The following PFDN1 variants were observed in gnomAD, a reference collection of about 807,000 sequenced individuals.
PFDN1 encodes the protein prefoldin subunit 1.
In PFDN1, 6 loss-of-function variants were observed where a neutral mutation model predicts 17.3. That is an observed-to-expected ratio of 0.35 (90% CI 0.19 to 0.69). The LOEUF (loss-of-function observed/expected upper bound fraction) is 0.69, where lower values mean the gene tolerates loss of function less well. Among genes scored for constraint, PFDN1 ranks in the 30% least tolerant of loss-of-function variants. PFDN1 has a pLI of 0.65. For missense variants in PFDN1, 113 were observed against 146.2 expected, an observed-to-expected ratio of 0.77 and a Z score of 1.17; for synonymous variants, 58 against 50.1, an observed-to-expected ratio of 1.16 and a Z score of -0.67.
rs960405253 is a variant in PFDN1, at chr5:140,272,506, C to T, written c.285+8943G>A. Among the ~76,000 whole-genome samples the T allele has an allele frequency of 5.9e-5, 9 of 151,412 alleles. No homozygotes were observed. The South Asian group carries it at 1.0e-3, about 18-fold the overall frequency. Reference sequence around the variant, plus strand: ...TCCCAAGTAGCTAGGATTACAGGCGCCCACCACCACGCCCGGCTAATTTTT... The same window carrying T: ...TCCCAAGTAGCTAGGATTACAGGCGTCCACCACCACGCCCGGCTAATTTTT... On this transcript the variant is annotated intron_variant, in intron 3 of 3. Transcript: ENST00000261813.
intron 3 of PFDN1, among the ~76,000 whole-genome samples, chr5:140,278,557 C>CAAAAAA (rs113129230): frequency 8.2e-4 from 65 of 79,010 alleles, no homozygotes; most frequent in East Asian, 1.4e-3. Flanking sequence ...GACTCTGTCT[C>CAAAAAA]AAAAAAAAAA....
chr5:140,279,995 C>CAAAAAAAAAAAAAAAAAAAAAAAAAA (rs772575762), intron 3 of PFDN1, among the ~76,000 whole-genome samples: 16 of 31,258 alleles, frequency 5.1e-4, no homozygotes, highest in South Asian at 1.7e-3. Flanking sequence ...AACTCCGTCT[C>CAAAAAAAAAAAAAAAAAAAAAAAAAA]AAAAAAAAAA....
At chr5:140,301,154 C>T (rs1765738545) in intron 1 of PFDN1, among the ~76,000 whole-genome samples, 1 of 152,158 alleles carries the variant, frequency 6.6e-6, no homozygotes, top group South Asian at 2.1e-4. Context: ...TGAACAACTA[C>T]TGGGGGGAAG....
rs1764962731 is a variant in PFDN1, at chr5:140,254,774, A to C, written c.286-8717T>G. On this transcript the variant is annotated intron_variant, in intron 3 of 3. Transcript: ENST00000261813. This position sits in a 1 kb window ranked among gnomAD's most constrained non-coding sequence, Gnocchi z 4.4. ...GATACTCTCGCTCCAGCATTTCTTC[A>C]ACCTCGTCACGCAACAACTTGTTCA... Among the ~76,000 whole-genome samples the C allele has an allele frequency of 6.6e-6, 1 of 152,164 alleles. No homozygotes were observed. The highest frequency in any genetic ancestry group is 6.5e-5 in the Admixed American group (1 of 15,276).
intron 3 of PFDN1, chr5:140,273,998 T>G (rs1402282019): frequency 9.9e-6 from 4 of 402,348 alleles, no homozygotes; most frequent in African/African-American, 8.7e-5. Context: ...TCATTGAAAG[T>G]TTACATTTAC....
intron 2 of PFDN1, among the ~76,000 whole-genome samples, chr5:140,286,620 GC>G (rs1177546181): frequency 5.9e-4 from 21 of 35,554 alleles, no homozygotes; most frequent in African/African-American, 1.5e-3. Context: ...GGGGGGGGGG[GC>G]GGGGGAGACA....
At chr5:140,282,404 ATTTT>A (rs34979639) in intron 2 of PFDN1, among the ~76,000 whole-genome samples, 2 of 136,886 alleles carry the variant, frequency 1.5e-5, no homozygotes, top group African/African-American at 2.8e-5. Context: ...GCGCCCCTCC[ATTTT>A]TTTTTTTTTT....
chr5:140,261,161 C>CAAAAAAAAA (rs773165928), intron 3 of PFDN1, among the ~76,000 whole-genome samples: 1 of 48,024 alleles, frequency 2.1e-5, no homozygotes. Context: ...GACTCCATCT[C>CAAAAAAAAA]AAAAAAAAAA....
chr5:140,280,347 AC>A (rs1765381427), intron 3 of PFDN1, among the ~76,000 whole-genome samples: 2 of 152,132 alleles, frequency 1.3e-5, no homozygotes, highest in Admixed American at 6.5e-5. Context: ...ATCAAACTGA[AC>A]CTCTTAGAAC....
chr5:140,256,853 A>T (rs963914104), intron 3 of PFDN1, among the ~76,000 whole-genome samples: 1 of 151,942 alleles, frequency 6.6e-6, no homozygotes, highest in African/African-American at 2.4e-5. Flanking sequence ...TCCTAGTCCA[A>T]GCCTCCATCA....
intron 2 of PFDN1, among the ~76,000 whole-genome samples, chr5:140,283,147 C>G (rs1228881525): frequency 6.6e-6 from 1 of 152,234 alleles, no homozygotes; most frequent in Non-Finnish European, 1.5e-5. Flanking sequence ...TTCTTCATAA[C>G]TAAGCCTTAC....
At chr5:140,301,637 C>A (rs1765748487) in intron 1 of PFDN1, among the ~76,000 whole-genome samples, 1 of 152,076 alleles carries the variant, frequency 6.6e-6, no homozygotes, top group Non-Finnish European at 1.5e-5. Context: ...AACCTTTAAA[C>A]AAGTTTTTTA....
chr5:140,285,864 C>A (rs563384529), intron 2 of PFDN1, among the ~76,000 whole-genome samples: 1 of 152,042 alleles, frequency 6.6e-6, no homozygotes, highest in East Asian at 1.9e-4. Context: ...GGCAGCCAGG[C>A]ATAATGGCAT....
At chr5:140,288,164 T>C (rs1765525912) in intron 2 of PFDN1, among the ~76,000 whole-genome samples, 1 of 152,236 alleles carries the variant, frequency 6.6e-6, no homozygotes, top group Non-Finnish European at 1.5e-5. Flanking sequence ...AACCAAAATA[T>C]TCTTCAATAA....
intron 3 of PFDN1, among the ~76,000 whole-genome samples, chr5:140,252,837 G>A (rs1467535130): frequency 6.6e-6 from 1 of 152,248 alleles, no homozygotes; most frequent in African/African-American, 2.4e-5. Flanking sequence ...GCTGCAGCAG[G>A]CAGGGGCAGG....
At chr5:140,285,074 A>G (rs1357074424) in intron 2 of PFDN1, among the ~76,000 whole-genome samples, 1 of 152,190 alleles carries the variant, frequency 6.6e-6, no homozygotes, top group Non-Finnish European at 1.5e-5. Context: ...TTTGGACACA[A>G]TTTCCAAAGT....
At chr5:140,265,684 C>T (rs186116385) in intron 3 of PFDN1, 40 of 152,264 alleles carry the variant, frequency 2.6e-4, no homozygotes, top group African/African-American at 8.4e-4. Context: ...AGCAGTAGCA[C>T]ATTTGTTCCT....
intron 3 of PFDN1, among the ~76,000 whole-genome samples, chr5:140,270,720 T>C (rs900161697): frequency 4.6e-5 from 7 of 152,054 alleles, no homozygotes; most frequent in African/African-American, 1.7e-4. Context: ...GGTCAGGAGA[T>C]CAAGACCATC....
chr5:140,259,055 T>G (rs1765027218), intron 3 of PFDN1, among the ~76,000 whole-genome samples: 1 of 152,208 alleles, frequency 6.6e-6, no homozygotes, highest in African/African-American at 2.4e-5. Flanking sequence ...GAGGGAAATG[T>G]GTGTCATAGA....
Sources: allele counts gnomAD v4.1 joint callset (sites outside exome capture counted in the v4.1 genomes callset), GRCh38; gene constraint gnomAD v4.1.1; non-coding constraint Gnocchi (gnomAD v3.1); transcripts MANE v1.5; gene names NCBI Gene and HGNC (gene_info 2026-07-23, HGNC 2026-07-21).